Variants in MRTFA observed in about 807,000 individuals in gnomAD.
The protein encoded by MRTFA is myocardin-related transcription factor A.
A neutral mutation model predicts 83.5 loss-of-function variants in MRTFA; 20 were observed. The observed-to-expected ratio is 0.24, with a 90% confidence interval of 0.17 to 0.35. The LOEUF is 0.35. Among genes scored for constraint, MRTFA ranks in the 10% least tolerant of loss-of-function variants. The pLI is 1.00. For missense variants in MRTFA, 1,200 were observed against 1,224.7 expected, an observed-to-expected ratio of 0.98 and a Z score of 0.30; for synonymous variants, 659 against 541.2, an observed-to-expected ratio of 1.22 and a Z score of -3.02.
intron 3 of MRTFA, among the ~76,000 whole-genome samples, chr22:40,497,377 G>A (rs950668760): frequency 2.6e-5 from 4 of 152,232 alleles, no homozygotes. Flanking sequence ...AAGAGAAATA[G>A]AGAAAGGTCA....
chr22:40,615,686 C>CTTTTT (rs59431175), intron 1 of MRTFA, among the ~76,000 whole-genome samples: 2 of 142,328 alleles, frequency 1.4e-5, no homozygotes, highest in Non-Finnish European at 1.5e-5. Flanking sequence ...ATTTTCTTTT[C>CTTTTT]TTTTTTTTTT....
chr22:40,424,474 T>A, intron 7 of MRTFA, 93 bp from the exon 8 acceptor site: 1 of 1,356,698 alleles, frequency 7.4e-7, no homozygotes, highest in Non-Finnish European at 1.0e-6. Context: ...GCAGAGTGCC[T>A]GGCCCACAGC....
At chr22:40,444,359 G>A (rs2053336169) in intron 4 of MRTFA, among the ~76,000 whole-genome samples, 1 of 152,158 alleles carries the variant, frequency 6.6e-6, no homozygotes, top group African/African-American at 2.4e-5. Flanking sequence ...TGATGAAAGA[G>A]AGGAAAAAGA....
chr22:40,556,864 C>T (rs547589396), intron 2 of MRTFA, among the ~76,000 whole-genome samples: 6 of 152,166 alleles, frequency 3.9e-5, no homozygotes, highest in African/African-American at 1.4e-4. Flanking sequence ...AAAAAAAAGA[C>T]TTCAACTTTA....
intron 4 of MRTFA, among the ~76,000 whole-genome samples, chr22:40,437,700 T>C (rs1483512034): frequency 1.3e-5 from 2 of 150,912 alleles, no homozygotes; most frequent in African/African-American, 2.4e-5. Flanking sequence ...GAGGCAGAGG[T>C]TGCAGTGCGC....
At chr22:40,412,073 T>C in intron 14 of MRTFA, 166 bp from the exon 15 acceptor site, 1 of 516,530 alleles carries the variant, frequency 1.9e-6, no homozygotes, top group Non-Finnish European at 3.1e-6. Context: ...TTTAAAAATA[T>C]TTGCAAATCA....
At chr22:40,607,268 G>T (rs143144758) in intron 1 of MRTFA, among the ~76,000 whole-genome samples, 1 of 152,132 alleles carries the variant, frequency 6.6e-6, no homozygotes, top group Non-Finnish European at 1.5e-5. Context: ...ACTCTGGGAG[G>T]CCGAGGAGTG....
intron 3 of MRTFA, among the ~76,000 whole-genome samples, chr22:40,549,910 A>G (rs1478854316): frequency 6.6e-6 from 1 of 152,008 alleles, no homozygotes; most frequent in Non-Finnish European, 1.5e-5. Context: ...TTAGCCATTC[A>G]TGGTGGCACA....
At chr22:40,444,332 A>AC (rs2053335741) in intron 4 of MRTFA, among the ~76,000 whole-genome samples, 1 of 152,164 alleles carries the variant, frequency 6.6e-6, no homozygotes, top group Non-Finnish European at 1.5e-5. Context: ...AAAAAATCTA[A>AC]CATTGTGTCA....
chr22:40,481,045 C>T (rs2054082869), intron 3 of MRTFA, among the ~76,000 whole-genome samples: 1 of 152,086 alleles, frequency 6.6e-6, no homozygotes, highest in Non-Finnish European at 1.5e-5. Flanking sequence ...GGGGTTGAGG[C>T]TGCAGTGAGC....
chr22:40,590,163 C>G (rs908702366), intron 2 of MRTFA, among the ~76,000 whole-genome samples: 4 of 151,898 alleles, frequency 2.6e-5, no homozygotes, highest in Non-Finnish European at 5.9e-5. Context: ...GTTTGTTGCT[C>G]TAAGAAGATG....
intron 4 of MRTFA, among the ~76,000 whole-genome samples, chr22:40,460,378 C>G (rs899805152): frequency 6.6e-6 from 1 of 152,220 alleles, no homozygotes; most frequent in African/African-American, 2.4e-5. Flanking sequence ...TGCTTTTAGA[C>G]CCTGAACATA....
intron 6 of MRTFA, among the ~76,000 whole-genome samples, chr22:40,430,684 C>T (rs1490504805): frequency 6.6e-6 from 1 of 151,852 alleles, no homozygotes; most frequent in Non-Finnish European, 1.5e-5. Flanking sequence ...CATGGTGAAA[C>T]CCCATCTCTA....
intron 10 of MRTFA, 66 bp downstream of exon 10, chr22:40,420,781 T>G: frequency 1.3e-6 from 2 of 1,598,834 alleles, no homozygotes; most frequent in East Asian, 2.2e-5. Context: ...CCACCAGACC[T>G]GGCACCTGCC....
intron 3 of MRTFA, among the ~76,000 whole-genome samples, chr22:40,483,751 G>C (rs2054130855): frequency 6.6e-6 from 1 of 152,020 alleles, no homozygotes; most frequent in Non-Finnish European, 1.5e-5. Flanking sequence ...ATGGAGTACA[G>C]TGGTGCGATC....
intron 1 of MRTFA, among the ~76,000 whole-genome samples, chr22:40,623,407 G>A (rs2056546309): frequency 2.0e-5 from 3 of 151,906 alleles, no homozygotes; most frequent in African/African-American, 4.8e-5. Context: ...TGCCATGCTG[G>A]TGCACTGCAC....
At position 40,420,560 on chromosome 22, in the gene MRTFA, G is replaced by C. The variant is rs922133028; in HGVS notation, c.1198C>G (p.Leu400Val). The change falls in exon 11 of 15, where the codon CTG becomes GTG. Residue 400 changes from leucine (L) to valine (V), a missense_variant. By Grantham distance (32) the Leu-to-Val change is conservative. Transcript: ENST00000355630. ...ACTGGGGGGGTCCCGCTGCTTCCCAGGGCCTCGCCTGCTGACCTGGGAAGA... is the reference window on the plus strand; with the variant it reads ...ACTGGGGGGGTCCCGCTGCTTCCCACGGCCTCGCCTGCTGACCTGGGAAGA... 3 of 1,613,408 alleles carry C rather than the reference G, an allele frequency of 1.9e-6. No individual in the cohort carries two copies. The highest frequency in any genetic ancestry group is 2.5e-6 in the Non-Finnish European group (3 of 1,179,942).
At chr22:40,540,459 C>G (rs1409642704) in intron 3 of MRTFA, among the ~76,000 whole-genome samples, 1 of 152,154 alleles carries the variant, frequency 6.6e-6, no homozygotes, top group African/African-American at 2.4e-5. Flanking sequence ...TCCCCCAGCA[C>G]CTGTGCCTGC....
intron 3 of MRTFA, among the ~76,000 whole-genome samples, chr22:40,527,623 G>A (rs901240993): frequency 1.3e-5 from 2 of 151,814 alleles, no homozygotes; most frequent in African/African-American, 4.8e-5. Flanking sequence ...GCCGGGCATG[G>A]TGGTGGGCGC....
Sources: gnomAD v4.1 joint callset for allele counts (sites outside exome capture counted in the v4.1 genomes callset) on GRCh38, gnomAD v4.1.1 for gene constraint, MANE v1.5 for transcripts, NCBI Gene and HGNC (gene_info 2026-07-23, HGNC 2026-07-21) for gene names.